Variants in BOP1 observed in about 807,000 individuals in gnomAD.
BOP1 encodes BOP1 ribosomal biogenesis factor, also known as ribosome biogenesis protein BOP1.
A neutral mutation model predicts 82.9 loss-of-function variants in BOP1; 54 were observed. The ratio of observed to expected loss-of-function variants is 0.65; its 90% CI spans 0.52 to 0.82. The LOEUF is 0.82. BOP1 is among the 40% of genes least tolerant of loss of function. The probability of loss-of-function intolerance (pLI) is 0.00; values close to 1 mark genes in which losing one functional copy is unlikely to be tolerated. For synonymous variants in BOP1, 566 were observed against 451.1 expected, an observed-to-expected ratio of 1.25 and a Z score of -3.23; for missense variants, 1,170 against 1,072.0, an observed-to-expected ratio of 1.09 and a Z score of -1.28.
At chr8:144,288,669 G>A (rs1035076012) in intron 2 of BOP1, among the ~76,000 whole-genome samples, 13 of 152,130 alleles carry the variant, frequency 8.5e-5, no homozygotes, top group African/African-American at 2.9e-4. Flanking sequence ...TCTACCCGTC[G>A]GCTGCTCAGG....
chr8:144,283,172 T>TGGGC (rs1401609539), intron 2 of BOP1, among the ~76,000 whole-genome samples: 1 of 93,954 alleles, frequency 1.1e-5, no homozygotes, highest in African/African-American at 5.5e-5. Flanking sequence ...CACTCCAGCC[T>TGGGC]GGGCGATAAG....
chr8:144,269,585 A>C (rs1289498804), intron 3 of BOP1, among the ~76,000 whole-genome samples: 1 of 152,266 alleles, frequency 6.6e-6, no homozygotes, highest in African/African-American at 2.4e-5. Context: ...ATCTGATAGA[A>C]ATATAACAGG....
At chr8:144,275,465 CGCTGGCGG>C (rs1845555041) in intron 3 of BOP1, among the ~76,000 whole-genome samples, 3 of 55,144 alleles carry the variant, frequency 5.4e-5, no homozygotes, top group Non-Finnish European at 8.5e-5. Flanking sequence ...AGCCTCTCCA[CGCTGGCGG>C]AGCCCAGCCC....
chr8:144,276,390 GA>G, intron 2 of BOP1, 86 bp from the exon 3 acceptor site: 1 of 1,454,498 alleles, frequency 6.9e-7, no homozygotes, highest in Non-Finnish European at 9.4e-7. Flanking sequence ...CCACCACCCC[GA>G]AATCTCTGAG....
intron 2 of BOP1, among the ~76,000 whole-genome samples, chr8:144,284,143 C>G (rs1303956450): frequency 6.6e-6 from 1 of 151,824 alleles, no homozygotes; most frequent in African/African-American, 2.4e-5. Flanking sequence ...CAAAACAAAA[C>G]AAAACTAGCC....
chr8:144,274,857 A>T (rs1322993347), intron 3 of BOP1, among the ~76,000 whole-genome samples: 1 of 152,158 alleles, frequency 6.6e-6, no homozygotes. Flanking sequence ...ATTTCTCAAA[A>T]TACCAAATAT....
Position 144,291,345 on chromosome 8 carries a change from C to T in BOP1, c.26G>A (p.Arg9His). 1 of 1,387,024 alleles carries T rather than the reference C, an allele frequency of 7.2e-7. No homozygotes were observed. The highest frequency in any genetic ancestry group is 9.4e-7 in the Non-Finnish European group (1 of 1,065,368). The allele number at this position is 1,387,024 out of a possible 1,614,324, so 85.9% of individuals were successfully genotyped here. A position where few individuals can be genotyped will look rare whatever the true frequency, so the allele number is the denominator to read the frequency against. The change falls in exon 1 of 16, where the codon CGC becomes CAC. Residue 9 changes from arginine to histidine, a missense_variant. Arg to His is a conservative substitution (Grantham distance 29). Coordinates refer to ENST00000569669, the MANE Select transcript of BOP1 (RefSeq NM_015201.5). This position sits in a 1 kb window ranked among gnomAD's most constrained non-coding sequence, Gnocchi z 4.1. MAGSRGAG[R>H]TAAPSVRPEK... ...CGGCCGCACGCTCGGCGCCGCCGTG[C>T]GCCCCGCACCCCGCGAACCCGCCAT...
chr8:144,284,382 T>C (rs1814806373), intron 2 of BOP1, among the ~76,000 whole-genome samples: 1 of 152,206 alleles, frequency 6.6e-6, no homozygotes, highest in Admixed American at 6.5e-5. Context: ...AGAAACAGCA[T>C]GTTACTGTCA....
chr8:144,273,659 C>T (rs1291283313), intron 3 of BOP1, among the ~76,000 whole-genome samples: 1 of 152,238 alleles, frequency 6.6e-6, no homozygotes, highest in Admixed American at 6.5e-5. Flanking sequence ...CCTTGCCCCG[C>T]CCCTCCACCC....
rs1194929852 is a variant in BOP1, at chr8:144,276,314, G to T, written c.310-10C>A. 2 of 1,612,548 alleles carry T rather than the reference G, an allele frequency of 1.2e-6. No individual in the cohort carries two copies. On this transcript the variant is annotated splice_polypyrimidine_tract_variant and intron_variant, in intron 2 of 15. Transcript: ENST00000569669. ...GGCAAGGAGTGCTGGCCTGCAGAGA[G>T]AGAGAGAAAATGGTCACTTCAGGGG...
intron 2 of BOP1, among the ~76,000 whole-genome samples, chr8:144,286,326 G>A (rs1341943088): frequency 1.3e-5 from 2 of 152,116 alleles, no homozygotes; most frequent in African/African-American, 4.8e-5. Flanking sequence ...GCGGGCAGAT[G>A]CACGGGCGCC....
Position 144,265,077 on chromosome 8 carries a change from G to T in BOP1, c.391-6C>A, listed in dbSNP as rs1372019439. The T allele has an allele frequency of 6.2e-7, 1 of 1,606,660 alleles. No individual in the cohort carries two copies. The highest frequency in any genetic ancestry group is 1.3e-5 in the African/African-American group (1 of 74,820). ...CCCACCGTGTTCCGGATGTCCTGCAGCCGGGGGCCACCATGTCGGCATCTG... is the reference window on the plus strand; with the variant it reads ...CCCACCGTGTTCCGGATGTCCTGCATCCGGGGGCCACCATGTCGGCATCTG... On this transcript the variant is annotated splice_polypyrimidine_tract_variant and splice_region_variant and intron_variant, in intron 3 of 15. Coordinates refer to ENST00000569669, the MANE Select transcript of BOP1 (RefSeq NM_015201.5).
rs887343958 is a variant in BOP1 at position 144,263,814 on chromosome 8, C to T, written c.1221+17G>A. On this transcript the variant is annotated intron_variant, in intron 9 of 15. Transcript: ENST00000569669. ...AGACTGGGAGGGTGCAACCCCAGCC[C>T]CCTAGTCTCCACTTACCAGGGCCTG... 126 of 1,610,148 alleles carry T rather than the reference C, an allele frequency of 7.8e-5. No homozygotes were observed. The African/African-American group carries it at 1.5e-3, about 20-fold the overall frequency.
At chr8:144,284,836 C>T (rs1257109306) in intron 2 of BOP1, among the ~76,000 whole-genome samples, 3 of 152,218 alleles carry the variant, frequency 2.0e-5, no homozygotes, top group African/African-American at 7.2e-5. Flanking sequence ...GGGCAGAAAG[C>T]CAGAGGGAAG....
intron 3 of BOP1, chr8:144,268,093 C>G (rs1845420594): frequency 3.9e-6 from 6 of 1,550,552 alleles, no homozygotes; most frequent in Non-Finnish European, 8.7e-7. Context: ...ACTCCTCCCT[C>G]CCCTCTGCAG....
intron 3 of BOP1, among the ~76,000 whole-genome samples, chr8:144,267,887 G>A (rs1403903681): frequency 1.3e-5 from 2 of 152,312 alleles, no homozygotes; most frequent in African/African-American, 4.8e-5. Flanking sequence ...GCACGCGCGA[G>A]CTCCTGGGGC....
At chr8:144,280,090 G>T (rs1845644835) in intron 2 of BOP1, among the ~76,000 whole-genome samples, 1 of 152,212 alleles carries the variant, frequency 6.6e-6, no homozygotes, top group Admixed American at 6.5e-5. Context: ...AATCCAGAAT[G>T]CTACAAAATA....
At position 144,276,212 on chromosome 8, in the gene BOP1, C is replaced by G; in HGVS notation, c.390+12G>C. On this transcript the variant is annotated intron_variant, in intron 3 of 15. Transcript: ENST00000569669. ...CCCCACCCTGCCCAGTGGGAAGCAGCCCCAGTCCTACCTCCTCATCAGAGC... is the reference window on the plus strand; with the variant it reads ...CCCCACCCTGCCCAGTGGGAAGCAGGCCCAGTCCTACCTCCTCATCAGAGC... 1 of 1,612,680 alleles carries G rather than the reference C, an allele frequency of 6.2e-7. No individual in the cohort carries two copies. Among genetic ancestry groups the G allele is most frequent in the Non-Finnish European group, 8.5e-7 (1 of 1,179,670 alleles).
intron 2 of BOP1, among the ~76,000 whole-genome samples, chr8:144,281,136 A>C (rs1367448668): frequency 0.079 from 7,023 of 88,906 alleles, 2,522 homozygotes; most frequent in South Asian, 0.1. Context: ...ACCAGGTCTT[A>C]GGCCTTCTCT....
Sources: gnomAD v4.1 joint callset for allele counts (sites outside exome capture counted in the v4.1 genomes callset) on GRCh38, gnomAD v4.1.1 for gene constraint, Gnocchi (gnomAD v3.1) non-coding constraint, MANE v1.5 for transcripts, NCBI Gene and HGNC (gene_info 2026-07-23, HGNC 2026-07-21) for gene names.